The following EPHB1 variants were observed in gnomAD, a reference collection of about 807,000 sequenced individuals.
The protein encoded by EPHB1 is ephrin type-B receptor 1.
Under a neutral mutation model 94.4 loss-of-function variants are expected in EPHB1, and 30 were observed. The ratio of observed to expected loss-of-function variants is 0.32; its 90% CI spans 0.24 to 0.43. The LOEUF is 0.43. Among genes scored for constraint, EPHB1 ranks in the 20% least tolerant of loss-of-function variants. EPHB1 has a pLI of 1.00. For synonymous variants in EPHB1, 522 were observed against 489.1 expected (o/e 1.07, Z -0.89); for missense variants, 1,055 against 1,308.3 (o/e 0.81, Z 2.99).
intron 5 of EPHB1, among the ~76,000 whole-genome samples, chr3:135,141,929 G>A (rs1313815155): frequency 2.6e-5 from 4 of 152,186 alleles, no homozygotes; most frequent in African/African-American, 9.7e-5. Context: ...CAGCTGACAT[G>A]GAGAACAAAG....
intron 12 of EPHB1, among the ~76,000 whole-genome samples, chr3:135,204,257 G>A (rs78334520): frequency 6.6e-6 from 1 of 152,090 alleles, no homozygotes; most frequent in East Asian, 1.9e-4. Context: ...AGGCTGGAGT[G>A]CAATGGCATG....
intron 3 of EPHB1, among the ~76,000 whole-genome samples, chr3:134,972,952 C>T (rs1408632697): frequency 6.6e-6 from 1 of 152,190 alleles, no homozygotes; most frequent in African/African-American, 2.4e-5. Context: ...CCCTTGTGTT[C>T]CTGCACATCC....
chr3:134,888,447 C>A (rs746058408), intron 1 of EPHB1, among the ~76,000 whole-genome samples: 1 of 152,056 alleles, frequency 6.6e-6, no homozygotes, highest in East Asian at 1.9e-4. Context: ...TGGTGGCTCA[C>A]GCCTGTAATC....
At chr3:134,991,937 C>G (rs1247059924) in intron 3 of EPHB1, among the ~76,000 whole-genome samples, 1 of 152,136 alleles carries the variant, frequency 6.6e-6, no homozygotes, top group Non-Finnish European at 1.5e-5. Flanking sequence ...TGTGGTTACA[C>G]TTTTCCAGGA....
chr3:134,906,344 A>G (rs559141050), intron 1 of EPHB1, among the ~76,000 whole-genome samples: 2 of 152,278 alleles, frequency 1.3e-5, no homozygotes, highest in Non-Finnish European at 2.9e-5. Context: ...ATTTTTGTTC[A>G]TTGAGTATCC....
At chr3:134,853,137 G>A (rs1001562086) in intron 1 of EPHB1, among the ~76,000 whole-genome samples, 4 of 152,224 alleles carry the variant, frequency 2.6e-5, no homozygotes, top group African/African-American at 2.4e-5. Context: ...AATGAAAGCA[G>A]AAGTGAGAGA....
chr3:134,952,300 A>G (rs994451073), intron 3 of EPHB1, among the ~76,000 whole-genome samples: 4 of 152,004 alleles, frequency 2.6e-5, no homozygotes, highest in Admixed American at 1.3e-4. Context: ...AAAATAACTT[A>G]ATAACCAGTC....
At chr3:135,209,025 G>A (rs1192618415) in intron 12 of EPHB1, among the ~76,000 whole-genome samples, 2 of 152,138 alleles carry the variant, frequency 1.3e-5, no homozygotes, top group South Asian at 2.1e-4. Flanking sequence ...AGCTTGAAGG[G>A]CCTCCAAATC....
chr3:135,174,548 C>T (rs561226904), intron 9 of EPHB1, among the ~76,000 whole-genome samples: 6 of 152,274 alleles, frequency 3.9e-5, no homozygotes, highest in Non-Finnish European at 5.9e-5. Context: ...CAAGACTATC[C>T]AGCACTGTTC....
At chr3:135,257,321 T>G (rs187291497) in intron 15 of EPHB1, among the ~76,000 whole-genome samples, 165 of 152,228 alleles carry the variant, frequency 1.1e-3, no homozygotes, top group Non-Finnish European at 2.1e-3. Context: ...ACCTTTTCTG[T>G]TCTGTTTTTT....
chr3:135,200,107 C>G (rs1160582009), intron 11 of EPHB1, among the ~76,000 whole-genome samples: 2 of 152,186 alleles, frequency 1.3e-5, no homozygotes, highest in Non-Finnish European at 2.9e-5. Flanking sequence ...AGGCTGTGCT[C>G]TACTTATAGA....
chr3:134,932,512 C>G (rs1206362207), intron 2 of EPHB1, among the ~76,000 whole-genome samples: 1 of 152,190 alleles, frequency 6.6e-6, no homozygotes, highest in African/African-American at 2.4e-5. Flanking sequence ...GCCTCAGGTC[C>G]TGGCATCAAA....
intron 3 of EPHB1, among the ~76,000 whole-genome samples, chr3:134,994,362 G>A (rs58259247): frequency 6.6e-6 from 1 of 152,126 alleles, no homozygotes; most frequent in South Asian, 2.1e-4. Flanking sequence ...TTTGACCCCT[G>A]CCCAGCAGGC....
rs140176777 is a variant in EPHB1 at position 134,814,452 on chromosome 3, G to A, written c.58+18763G>A. 7.5e-4 allele frequency among the ~76,000 whole-genome samples: 114 copies of A among 152,236 alleles called. 1 individual carries two copies. Among genetic ancestry groups the A allele is most frequent in the African/African-American group, 2.6e-3 (107 of 41,540 alleles). ...TGCTCCGTGATATAGCCAGGGGCTCGGTGATGTAGGAGGTCAGGGGACAGT... is the reference window on the plus strand; with the variant it reads ...TGCTCCGTGATATAGCCAGGGGCTCAGTGATGTAGGAGGTCAGGGGACAGT... On this transcript the variant is annotated intron_variant, in intron 1 of 15. Coordinates refer to ENST00000398015, the MANE Select transcript of EPHB1 (RefSeq NM_004441.5).
chr3:134,945,769 A>G (rs1177942020), intron 2 of EPHB1, among the ~76,000 whole-genome samples: 3 of 152,254 alleles, frequency 2.0e-5, no homozygotes, highest in African/African-American at 7.2e-5. Context: ...AGTGGAGGCT[A>G]AGAAGCAGCC....
intron 3 of EPHB1, among the ~76,000 whole-genome samples, chr3:135,001,384 G>A (rs991166316): frequency 3.9e-5 from 6 of 152,116 alleles, no homozygotes; most frequent in African/African-American, 1.4e-4. Context: ...GATAAATGTC[G>A]GCTGGTCCCC....
At chr3:134,871,369 C>T (rs1258052759) in intron 1 of EPHB1, among the ~76,000 whole-genome samples, 1 of 152,020 alleles carries the variant, frequency 6.6e-6, no homozygotes, top group Non-Finnish European at 1.5e-5. Flanking sequence ...GCTGGGAGGG[C>T]ACCTGGGGTG....
chr3:135,091,986 T>G (rs1938573559), intron 3 of EPHB1, among the ~76,000 whole-genome samples: 1 of 152,214 alleles, frequency 6.6e-6, no homozygotes, highest in African/African-American at 2.4e-5. Context: ...GTTATAAATT[T>G]TTTTTAAACG....
chr3:135,071,977 C>T (rs2107782227), intron 3 of EPHB1, among the ~76,000 whole-genome samples: 1 of 152,300 alleles, frequency 6.6e-6, no homozygotes. Flanking sequence ...CCCAGTCCCC[C>T]AGCACATTAT....
Sources: allele counts gnomAD v4.1 joint callset (sites outside exome capture counted in the v4.1 genomes callset), GRCh38; gene constraint gnomAD v4.1.1; transcripts MANE v1.5; gene names NCBI Gene and HGNC (gene_info 2026-07-23, HGNC 2026-07-21).